Variants in PHKA2 observed in about 807,000 individuals in gnomAD.
The protein encoded by PHKA2 is phosphorylase kinase regulatory subunit alpha 2, also known as phosphorylase b kinase regulatory subunit alpha, liver isoform.
Under a neutral mutation model 102.0 loss-of-function variants are expected in PHKA2, and 31 were observed. That is an observed-to-expected ratio of 0.30 (90% CI 0.23 to 0.41). The LOEUF is 0.41. Among genes scored for constraint, PHKA2 ranks in the 10% least tolerant of loss-of-function variants. The pLI is 1.00. For missense variants in PHKA2, 858 were observed against 1,023.1 expected (o/e 0.84, Z 2.20); for synonymous variants, 455 against 416.2 (o/e 1.09, Z -1.13).
intron 21 of PHKA2, 88 bp downstream of exon 21, chrX:18,908,713 G>A: frequency 2.3e-6 from 2 of 852,907 alleles, no homozygotes; most frequent in Non-Finnish European, 3.5e-6. Flanking sequence ...CCAGCCTCCG[G>A]AACTGTGAGA....
intron 20 of PHKA2, among the ~76,000 whole-genome samples, chrX:18,909,646 T>C (rs2047887518): frequency 8.9e-6 from 1 of 112,520 alleles, no homozygotes; most frequent in South Asian, 3.6e-4. Context: ...ATTTTCCTTG[T>C]CCTGTCCTAG....
intron 1 of PHKA2, among the ~76,000 whole-genome samples, chrX:18,977,075 C>T (rs1218022198): frequency 2.7e-5 from 3 of 112,349 alleles, no homozygotes; most frequent in Admixed American, 1.9e-4. Context: ...TAATCCCATA[C>T]ATTTTTATTT....
Position 18,897,360 on chromosome X carries a change from A to G in PHKA2, c.3112-27T>C, listed in dbSNP as rs201206295. 2,750 of 1,189,284 alleles carry G rather than the reference A, an allele frequency of 2.3e-3. 2 individuals carry two copies. Among genetic ancestry groups the G allele is most frequent in the Non-Finnish European group, 2.8e-3 (2,512 of 884,074 alleles). ...TGCAAGACAGACAGCTTGGGGCCTC[A>G]GAAGCCACGCAGCAGGTGCCCCAGG... is the stretch of plus-strand genomic sequence containing the variant. On this transcript the variant is annotated intron_variant, in intron 29 of 32. Coordinates refer to ENST00000379942, the MANE Select transcript of PHKA2 (RefSeq NM_000292.3).
chrX:18,924,023 A>T, intron 17 of PHKA2, 33 bp downstream of exon 17: 1 of 966,345 alleles, frequency 1.0e-6, no homozygotes, highest in Non-Finnish European at 1.5e-6. Flanking sequence ...GGTCAGTGCT[A>T]CTCTTATATT....
intron 13 of PHKA2, among the ~76,000 whole-genome samples, chrX:18,926,874 C>T (rs762673511): frequency 1.8e-5 from 2 of 111,651 alleles, no homozygotes; most frequent in East Asian, 5.7e-4. Context: ...CCAAACTGCC[C>T]CGTCTCAAGT....
chrX:18,920,626 C>T (rs1157132570), intron 17 of PHKA2, among the ~76,000 whole-genome samples: 3 of 112,192 alleles, frequency 2.7e-5, no homozygotes, highest in Non-Finnish European at 5.6e-5. Context: ...GTCCCTACCA[C>T]GAAACACTGT....
chrX:18,919,852 G>A (rs1161056377), intron 18 of PHKA2, among the ~76,000 whole-genome samples, 180 bp downstream of exon 18: 4 of 110,852 alleles, frequency 3.6e-5, no homozygotes, highest in African/African-American at 1.3e-4. Flanking sequence ...TTGCAGTTTC[G>A]GTTTTTAAAC....
chrX:18,938,510 T>C, intron 10 of PHKA2, 117 bp downstream of exon 10: 1 of 738,375 alleles, frequency 1.4e-6, no homozygotes, highest in Non-Finnish European at 2.1e-6. Context: ...GTTTGCTAAG[T>C]GGGAACAGAT....
At position 18,964,587 on chromosome X, in the gene PHKA2, A is replaced by G. The variant is rs190169263; in HGVS notation, c.79-10175T>C. 6.8e-4 allele frequency among the ~76,000 whole-genome samples: 77 copies of G among 112,690 alleles called. 1 individual carries two copies. The highest frequency in any genetic ancestry group is 2.3e-3 in the African/African-American group (71 of 31,093). On this transcript the variant is annotated intron_variant, in intron 1 of 32. Coordinates refer to ENST00000379942, the MANE Select transcript of PHKA2 (RefSeq NM_000292.3). Reference sequence around the variant, plus strand: ...GAAAAATCCTGTTACAATAACGCCAACAACTGGTTAAATTCACTTGTACCA... The same window carrying G: ...GAAAAATCCTGTTACAATAACGCCAGCAACTGGTTAAATTCACTTGTACCA...
intron 11 of PHKA2, among the ~76,000 whole-genome samples, 192 bp downstream of exon 11, chrX:18,935,863 G>A (rs991315214): frequency 1.9e-5 from 2 of 107,183 alleles, no homozygotes; most frequent in Admixed American, 1.0e-4. Context: ...TAATCCACCC[G>A]CCTCAGCCTC....
chrX:18,925,542 G>C (rs2048195893), intron 15 of PHKA2, 126 bp downstream of exon 15: 1 of 536,698 alleles, frequency 1.9e-6, no homozygotes, highest in East Asian at 3.3e-5. Flanking sequence ...CTAGGCTCTT[G>C]GTATCATTTC....
chrX:18,932,284 C>T (rs1214989017), intron 11 of PHKA2, among the ~76,000 whole-genome samples: 1 of 112,179 alleles, frequency 8.9e-6, no homozygotes, highest in African/African-American at 3.2e-5. Context: ...GGGCTTCTGT[C>T]TCAGCAAAAT....
At chrX:18,927,039 C>T (rs1445947858) in intron 13 of PHKA2, among the ~76,000 whole-genome samples, 4 of 111,729 alleles carry the variant, frequency 3.6e-5, no homozygotes, top group East Asian at 5.7e-4. Context: ...AAGATGGGGG[C>T]GCCTGCTGGC....
rs150186601 is a variant in PHKA2 at position 18,969,401 on chromosome X, G to A, written c.78+14454C>T. Among the ~76,000 whole-genome samples the A allele has an allele frequency of 2.7e-3, 302 of 111,443 alleles. 8 individuals carry two copies. The East Asian group carries it at 0.065, about 24-fold the overall frequency. ...CAGCCATCGTACTTCGGTGTGCAGC[G>A]GAAGTGCTTTATATGTACTTTTCAC... is the stretch of plus-strand genomic sequence containing the variant. On this transcript the variant is annotated intron_variant, in intron 1 of 32. Coordinates refer to ENST00000379942, the MANE Select transcript of PHKA2 (RefSeq NM_000292.3).
At chrX:18,938,092 C>T in intron 10 of PHKA2, among the ~76,000 whole-genome samples, 1 of 112,748 alleles carries the variant, frequency 8.9e-6, no homozygotes, top group African/African-American at 3.2e-5. Flanking sequence ...ATGGGATGGT[C>T]CTTTAGCCAA....
At chrX:18,934,025 C>A (rs1024043899) in intron 11 of PHKA2, among the ~76,000 whole-genome samples, 7 of 111,771 alleles carry the variant, frequency 6.3e-5, no homozygotes, top group Non-Finnish European at 1.1e-4. Flanking sequence ...GTAAAATACC[C>A]CTGAAGGCAC....
intron 1 of PHKA2, among the ~76,000 whole-genome samples, chrX:18,979,274 T>G (rs1230284243): frequency 8.9e-6 from 1 of 112,665 alleles, no homozygotes; most frequent in East Asian, 2.8e-4. Flanking sequence ...TTATTGTTAC[T>G]ATTTGTTCCA....
intron 12 of PHKA2, among the ~76,000 whole-genome samples, 169 bp downstream of exon 12, chrX:18,931,472 C>G (rs1242549120): frequency 9.0e-6 from 1 of 111,350 alleles, no homozygotes. Context: ...TATGGACACA[C>G]AAGGCTGAGA....
intron 22 of PHKA2, 125 bp downstream of exon 22, chrX:18,907,775 C>T: frequency 1.3e-6 from 1 of 751,949 alleles, no homozygotes; most frequent in East Asian, 3.2e-5. Context: ...AGGGCCCGCT[C>T]CACCTGTGGG....
Sources: allele counts gnomAD v4.1 joint callset (sites outside exome capture counted in the v4.1 genomes callset), GRCh38; gene constraint gnomAD v4.1.1; transcripts MANE v1.5; gene names NCBI Gene and HGNC (gene_info 2026-07-23, HGNC 2026-07-21).